MAML3: variants seen among roughly 807,000 people sequenced by gnomAD.
The protein encoded by MAML3 is mastermind-like protein 3.
MAML3 carries 27 observed loss-of-function variants against 101.9 expected under a neutral mutation model. The observed-to-expected ratio is 0.27, with a 90% confidence interval of 0.20 to 0.37. MAML3 has a LOEUF of 0.37. MAML3 is among the 10% of genes least tolerant of loss of function. The pLI is 1.00. For missense variants in MAML3, 1,316 were observed against 1,444.9 expected (o/e 0.91, Z 1.45); for synonymous variants, 501 against 555.9 (o/e 0.90, Z 1.39).
intron 1 of MAML3, among the ~76,000 whole-genome samples, chr4:139,896,892 C>T (rs778975145): frequency 6.6e-6 from 1 of 152,040 alleles, no homozygotes; most frequent in South Asian, 2.1e-4. Flanking sequence ...GTGTGGTGGG[C>T]GAGGGTGCAT....
At chr4:139,843,814 T>C (rs1033728735) in intron 2 of MAML3, among the ~76,000 whole-genome samples, 1 of 152,188 alleles carries the variant, frequency 6.6e-6, no homozygotes, top group African/African-American at 2.4e-5. Flanking sequence ...TGAGCATTTC[T>C]TCACTTCCTG....
intron 2 of MAML3, among the ~76,000 whole-genome samples, chr4:139,870,003 C>G (rs930267122): frequency 6.6e-6 from 1 of 152,184 alleles, no homozygotes; most frequent in Non-Finnish European, 1.5e-5. Context: ...GACCATATGA[C>G]CTTAAACAGA....
intron 2 of MAML3, among the ~76,000 whole-genome samples, chr4:139,834,283 T>G (rs536764586): frequency 3.3e-5 from 5 of 152,376 alleles, no homozygotes; most frequent in Admixed American, 3.3e-4. Context: ...TGGTTAAACA[T>G]TGATCTTTCT....
At chr4:139,858,521 T>A (rs555612806) in intron 2 of MAML3, among the ~76,000 whole-genome samples, 1 of 148,094 alleles carries the variant, frequency 6.8e-6, no homozygotes, top group South Asian at 2.1e-4. Flanking sequence ...GAGACTCCAC[T>A]TAAAAAATGA....
intron 2 of MAML3, among the ~76,000 whole-genome samples, chr4:139,793,466 C>A (rs895752154): frequency 6.6e-6 from 1 of 152,196 alleles, no homozygotes; most frequent in African/African-American, 2.4e-5. Context: ...AGTGGACACT[C>A]TCTCCCAAAT....
chr4:139,773,148 A>G (rs529185356), intron 2 of MAML3, among the ~76,000 whole-genome samples: 49 of 152,278 alleles, frequency 3.2e-4, no homozygotes, highest in Middle Eastern at 3.4e-3. Flanking sequence ...GGATAGAACT[A>G]TCAACAGGCT....
intron 1 of MAML3, among the ~76,000 whole-genome samples, chr4:140,092,588 A>G (rs1010493464): frequency 2.0e-5 from 3 of 152,102 alleles, no homozygotes; most frequent in Non-Finnish European, 4.4e-5. Flanking sequence ...TCACTCACTC[A>G]TCGTGGTTTA....
At chr4:139,806,341 A>T (rs1282713500) in intron 2 of MAML3, among the ~76,000 whole-genome samples, 1 of 152,176 alleles carries the variant, frequency 6.6e-6, no homozygotes, top group African/African-American at 2.4e-5. Context: ...ATGAATGAAA[A>T]ATATAATTTA....
intron 1 of MAML3, among the ~76,000 whole-genome samples, chr4:140,092,504 GCGCGGC>G (rs1728077326): frequency 6.6e-6 from 1 of 151,546 alleles, no homozygotes; most frequent in African/African-American, 2.4e-5. Context: ...AGAACAAACG[GCGCGGC>G]CGCTCCTGAT....
chr4:139,774,301 T>A (rs1340322285), intron 2 of MAML3, among the ~76,000 whole-genome samples: 2 of 152,270 alleles, frequency 1.3e-5, no homozygotes, highest in African/African-American at 4.8e-5. Context: ...ACTCTGTTAC[T>A]GTCTCCTCCA....
intron 2 of MAML3, among the ~76,000 whole-genome samples, chr4:139,833,854 T>C (rs1222196417): frequency 1.3e-5 from 2 of 152,096 alleles, no homozygotes; most frequent in Non-Finnish European, 2.9e-5. Flanking sequence ...TGAATCACAG[T>C]ATCCCTTCTC....
intron 1 of MAML3, among the ~76,000 whole-genome samples, chr4:140,085,370 G>C (rs181766713): frequency 6.6e-6 from 1 of 152,256 alleles, no homozygotes; most frequent in Non-Finnish European, 1.5e-5. Flanking sequence ...CCAGGGGACA[G>C]AGCGCAGGCC....
intron 1 of MAML3, among the ~76,000 whole-genome samples, chr4:139,897,364 GT>G (rs1432241513): frequency 6.6e-6 from 1 of 152,082 alleles, no homozygotes; most frequent in Non-Finnish European, 1.5e-5. Flanking sequence ...TCAAACTCAG[GT>G]CTGACTCCTC....
chr4:139,989,300 T>C (rs1192559860), intron 1 of MAML3, among the ~76,000 whole-genome samples: 3 of 152,146 alleles, frequency 2.0e-5, no homozygotes, highest in African/African-American at 4.8e-5. Context: ...ACAAGGGCAC[T>C]GTAAGAATTA....
At chr4:139,828,732 T>A (rs80352193) in intron 2 of MAML3, among the ~76,000 whole-genome samples, 10,164 of 144,298 alleles carry the variant, frequency 0.07, 522 homozygotes, top group African/African-American at 0.14. Context: ...TTTTTTTTTT[T>A]AAAAACATAG....
At chr4:139,977,830 G>C (rs936180432) in intron 1 of MAML3, among the ~76,000 whole-genome samples, 2 of 151,674 alleles carry the variant, frequency 1.3e-5, no homozygotes, top group African/African-American at 4.8e-5. Context: ...CCAAGATCTT[G>C]CCACTGCACT....
At position 139,875,922 on chromosome 4, in the gene MAML3, A is replaced by C. The variant is rs938971917; in HGVS notation, c.2079+13435T>G. Among the ~76,000 whole-genome samples the C allele has an allele frequency of 1.8e-3, 114 of 63,396 alleles. 1 individual carries two copies. The highest frequency in any genetic ancestry group is 4.6e-3 in the Admixed American group (30 of 6,570). 41.6% of individuals were successfully genotyped at this position (63,396 alleles called of 152,430 possible). A position where few individuals can be genotyped will look rare whatever the true frequency, so the allele number is the denominator to read the frequency against. On this transcript the variant is annotated intron_variant, in intron 2 of 4. Coordinates refer to ENST00000509479, the MANE Select transcript of MAML3 (RefSeq NM_018717.5). ...GTAAGAGACTCACAAACAGCAAAAA[A>C]AAAAAAAAAAAAAAAAAAAAAATCA...
chr4:139,905,573 C>A (rs952038835), intron 1 of MAML3, among the ~76,000 whole-genome samples: 4 of 150,504 alleles, frequency 2.7e-5, no homozygotes, highest in Non-Finnish European at 5.9e-5. Flanking sequence ...TATTAGTTTT[C>A]TAGGGCTGCC....
At chr4:139,996,774 T>C (rs1734825641) in intron 1 of MAML3, among the ~76,000 whole-genome samples, 1 of 151,808 alleles carries the variant, frequency 6.6e-6, no homozygotes, top group Non-Finnish European at 1.5e-5. Context: ...TTAAATATAT[T>C]ATTGGGCCAG....
Sources: gnomAD v4.1 joint callset for allele counts (sites outside exome capture counted in the v4.1 genomes callset) on GRCh38, gnomAD v4.1.1 for gene constraint, MANE v1.5 for transcripts, NCBI Gene and HGNC (gene_info 2026-07-23, HGNC 2026-07-21) for gene names.